ORAI2: variants seen among roughly 807,000 people sequenced by gnomAD.
ORAI2 encodes the protein protein orai-2.
Under a neutral mutation model 16.2 loss-of-function variants are expected in ORAI2, and 10 were observed. The ratio of observed to expected loss-of-function variants is 0.62; its 90% CI spans 0.38 to 1.04. The LOEUF (loss-of-function observed/expected upper bound fraction) is 1.04. ORAI2 is among the 50% of genes least tolerant of loss of function. The pLI is 0.01. For synonymous variants in ORAI2, 150 were observed against 157.5 expected (o/e 0.95, Z 0.35); for missense variants, 238 against 355.5 (o/e 0.67, Z 2.66).
rs1158289784 is a variant in ORAI2 at position 102,433,626 on chromosome 7, G to A, written c.-158G>A. ...CAGGCCACGCGGCCACGCAGTCCGA[G>A]CGGGAGCCGAGCCGGGCGGGGCGAG... On this transcript the variant is annotated 5_prime_UTR_variant, in exon 1 of 4. Transcript: ENST00000495936. The surrounding 1 kb of genome is among the most constrained non-coding windows in gnomAD (Gnocchi z 4.6). 5 of 151,402 alleles carry A rather than the reference G, an allele frequency of 3.3e-5. No individual in the cohort carries two copies. Among genetic ancestry groups the A allele is most frequent in the Non-Finnish European group, 5.9e-5 (4 of 67,844 alleles). 9.4% of individuals were successfully genotyped at this position (151,402 alleles called of 1,614,324 possible).
chr7:102,439,248 G>A, intron 3 of ORAI2, 67 bp downstream of exon 3: 1 of 1,366,596 alleles, frequency 7.3e-7, no homozygotes, highest in Non-Finnish European at 1.0e-6. Context: ...GTCCCGGGAT[G>A]CCTCAGGGAC....
chr7:102,440,367 G>A (rs1797164999), intron 3 of ORAI2, among the ~76,000 whole-genome samples: 1 of 152,162 alleles, frequency 6.6e-6, no homozygotes, highest in South Asian at 2.1e-4. Flanking sequence ...CCTAGGACAA[G>A]AGTCAGTTTC....
At chr7:102,445,096 T>C (rs1438171822) in intron 3 of ORAI2, among the ~76,000 whole-genome samples, 2 of 152,230 alleles carry the variant, frequency 1.3e-5, no homozygotes, top group Non-Finnish European at 2.9e-5. Flanking sequence ...ATGCCTCCTT[T>C]CCACAGCTTC....
intron 2 of ORAI2, among the ~76,000 whole-genome samples, chr7:102,437,387 G>C (rs1272723170): frequency 1.3e-5 from 2 of 152,164 alleles, no homozygotes; most frequent in African/African-American, 4.8e-5. Flanking sequence ...GGCTGAGACG[G>C]GCAGATCACC....
chr7:102,442,889 G>A (rs1450121483), intron 3 of ORAI2, among the ~76,000 whole-genome samples: 1 of 142,844 alleles, frequency 7.0e-6, no homozygotes, highest in East Asian at 2.2e-4. Context: ...CCGTGGTGGC[G>A]CATGCCTGTA....
intron 2 of ORAI2, among the ~76,000 whole-genome samples, chr7:102,438,088 C>T (rs972239545): frequency 6.7e-6 from 1 of 149,202 alleles, no homozygotes; most frequent in African/African-American, 2.5e-5. Flanking sequence ...TGGGTCACAC[C>T]TGTAATCCCA....
At chr7:102,437,484 A>G (rs1483033294) in intron 2 of ORAI2, among the ~76,000 whole-genome samples, 1 of 152,076 alleles carries the variant, frequency 6.6e-6, no homozygotes, top group Non-Finnish European at 1.5e-5. Flanking sequence ...GCATGGTGGC[A>G]CATGCCTGTA....
At chr7:102,434,417 C>A (rs1430889661) in intron 1 of ORAI2, among the ~76,000 whole-genome samples, 1 of 152,228 alleles carries the variant, frequency 6.6e-6, no homozygotes, top group Non-Finnish European at 1.5e-5. Context: ...GTTTCCTCCA[C>A]AATCCCACCC....
rs374851154 is a variant in ORAI2 at position 102,439,103 on chromosome 7, G to A, written c.147G>A (p.Ser49=). ...TSNHHSVQAL[S]WRKLYLSRAK... is the part of the protein sequence containing the mutation. ...ACCACCACTCGGTACAGGCCCTGTC[G>A]TGGCGGAAGCTCTACCTGAGCAGGG... The change falls in exon 3 of 4, where the codon TCG becomes TCA. Residue 49 remains serine, a synonymous_variant. Transcript: ENST00000495936. 1.4e-4 allele frequency: 226 copies of A among 1,613,954 alleles called. No individual in the cohort carries two copies. Among genetic ancestry groups the A allele is most frequent in the Non-Finnish European group, 1.8e-4 (207 of 1,180,056 alleles).
At chr7:102,446,455 G>C (rs538802359) in intron 3 of ORAI2, 58 bp from the exon 4 acceptor site, 2 of 1,513,442 alleles carry the variant, frequency 1.3e-6, no homozygotes, top group Non-Finnish European at 1.8e-6. Context: ...AGGTGGCCCT[G>C]GTGGGGCCAT....
intron 3 of ORAI2, among the ~76,000 whole-genome samples, chr7:102,445,817 TC>T (rs1394603974): frequency 1.3e-5 from 2 of 152,042 alleles, no homozygotes; most frequent in East Asian, 1.9e-4. Flanking sequence ...CTTCCTTCCT[TC>T]CTCCCTCCCT....
Position 102,446,779 on chromosome 7 carries a change from G to A in ORAI2, c.492G>A (p.Glu164=), listed in dbSNP as rs1177835021. 1 of 1,614,156 alleles carries A rather than the reference G, an allele frequency of 6.2e-7. No homozygotes were observed. The highest frequency in any genetic ancestry group is 1.7e-5 in the Admixed American group (1 of 60,020). ...TVLGILLFLA[E]VVLLCWIKFL... Reference sequence around the variant, plus strand: ...TTGGCATCCTACTCTTCCTGGCCGAGGTGGTGCTGCTCTGCTGGATCAAGT... The same window carrying A: ...TTGGCATCCTACTCTTCCTGGCCGAAGTGGTGCTGCTCTGCTGGATCAAGT... Residue 164 remains glutamate (E), a synonymous_variant, in exon 4 of 4, where the codon GAG becomes GAA. Transcript: ENST00000495936.
intron 1 of ORAI2, 38 bp from the exon 2 acceptor site, chr7:102,436,187 A>G (rs116131320): frequency 8.2e-5 from 30 of 363,668 alleles, no homozygotes; most frequent in African/African-American, 5.7e-4. Context: ...TGTGGAGCTA[A>G]CCTACGGATT....
At position 102,446,807 on chromosome 7, in the gene ORAI2, C is replaced by T. The variant is rs1183795726; in HGVS notation, c.520C>T (p.Leu174Phe). The T allele has an allele frequency of 6.2e-7, 1 of 1,614,006 alleles. No individual in the cohort carries two copies. Among genetic ancestry groups the T allele is most frequent in the Non-Finnish European group, 8.5e-7 (1 of 1,180,044 alleles). Reference protein sequence around the residue: ...EVVLLCWIKFLPVDARRQPGP... With the variant: ...EVVLLCWIKFFPVDARRQPGP... ...GGTGCTGCTCTGCTGGATCAAGTTC[C>T]TCCCCGTGGATGCCCGGCGCCAGCC... Residue 174 changes from leucine to phenylalanine, a missense_variant, in exon 4 of 4, where the codon CTC becomes TTC. By Grantham distance (22) the Leu-to-Phe change is conservative. Around this residue, in one of 3 missense-constraint regions of ORAI2, gnomAD observed 176 missense variants for 265.9 expected, o/e 0.66. Coordinates refer to ENST00000495936, the MANE Select transcript of ORAI2 (RefSeq NM_001126340.3).
Position 102,450,837 on chromosome 7 carries a change from G to A in ORAI2, c.*3785G>A, listed in dbSNP as rs1797501115. On this transcript the variant is annotated 3_prime_UTR_variant, in exon 4 of 4. Coordinates refer to ENST00000495936, the MANE Select transcript of ORAI2 (RefSeq NM_001126340.3). ...CGCCTTGAAGGGCAGCATGGGCGATGAGGAATGCCATTGCAGCCTAGAAAT... is the reference window on the plus strand; with the variant it reads ...CGCCTTGAAGGGCAGCATGGGCGATAAGGAATGCCATTGCAGCCTAGAAAT... The A allele has an allele frequency of 2.0e-5, 3 of 152,280 alleles. No homozygotes were observed. Among genetic ancestry groups the A allele is most frequent in the African/African-American group, 4.8e-5 (2 of 41,458 alleles). The allele number at this position is 152,280 out of a possible 1,614,324, so 9.4% of individuals were successfully genotyped here.
intron 3 of ORAI2, among the ~76,000 whole-genome samples, chr7:102,442,050 C>G (rs1797219649): frequency 6.6e-6 from 1 of 152,092 alleles, no homozygotes. Flanking sequence ...TATGCCTAAC[C>G]TGAAGCTTAG....
intron 1 of ORAI2, 165 bp from the exon 2 acceptor site, chr7:102,436,060 T>C (rs1335541867): frequency 4.6e-5 from 7 of 152,386 alleles, no homozygotes; most frequent in Admixed American, 3.9e-4. Flanking sequence ...AAGGTTAGCG[T>C]CTCACCCCTC....
At position 102,455,822 on chromosome 7, in the gene ORAI2, G is replaced by A. The variant is rs192740735; in HGVS notation, c.*8770G>A. The A allele has an allele frequency of 5.3e-5, 8 of 152,366 alleles. No individual in the cohort carries two copies. The highest frequency in any genetic ancestry group is 1.7e-4 in the African/African-American group (7 of 41,586). The allele number at this position is 152,366 out of a possible 1,614,324, so 9.4% of individuals were successfully genotyped here. ...TGGGAGCCACGTCCTCCCACCTAGC[G>A]GCTGGGCTCTCACAGCCACTAGAAA... On this transcript the variant is annotated 3_prime_UTR_variant, in exon 4 of 4. Coordinates refer to ENST00000495936, the MANE Select transcript of ORAI2 (RefSeq NM_001126340.3).
chr7:102,438,752 G>A (rs143606981), intron 2 of ORAI2, among the ~76,000 whole-genome samples, 192 bp from the exon 3 acceptor site: 6 of 152,302 alleles, frequency 3.9e-5, no homozygotes, highest in East Asian at 3.9e-4. Flanking sequence ...CAGCCTGGAC[G>A]ACAGAGTGAG....
Sources: gnomAD v4.1 joint callset for allele counts (sites outside exome capture counted in the v4.1 genomes callset) on GRCh38, gnomAD v4.1.1 for gene constraint, gnomAD v4.1.1 regional missense constraint, Gnocchi (gnomAD v3.1) non-coding constraint, MANE v1.5 for transcripts, NCBI Gene and HGNC (gene_info 2026-07-23, HGNC 2026-07-21) for gene names.